ATP11A: variants seen among roughly 807,000 people sequenced by gnomAD.
ATP11A encodes ATPase phospholipid transporting 11A, also known as phospholipid-transporting ATPase IH.
A neutral mutation model predicts 154.4 loss-of-function variants in ATP11A; 81 were observed. The ratio of observed to expected loss-of-function variants is 0.52; its 90% confidence interval spans 0.44 to 0.63. The LOEUF is 0.63. Ranked by LOEUF, ATP11A falls within the 30% of genes least tolerant of loss-of-function variation. ATP11A has a pLI of 0.00. For missense variants in ATP11A, 1,316 were observed against 1,474.3 expected, an observed-to-expected ratio of 0.89 and a Z score of 1.76; for synonymous variants, 623 against 585.9, an observed-to-expected ratio of 1.06 and a Z score of -0.91.
intron 25 of ATP11A, among the ~76,000 whole-genome samples, chr13:112,869,576 G>A (rs1409427623): frequency 6.6e-6 from 1 of 152,232 alleles, no homozygotes; most frequent in Admixed American, 6.5e-5. Context: ...AACTCTTTCA[G>A]AGTTCTGTGT....
chr13:112,860,407 C>A lies in ATP11A; in HGVS notation c.2848C>A (p.Leu950Met), dbSNP rs760964455. Residue 950 changes from leucine (L) to methionine (M), a missense_variant, in exon 24 of 30, where the codon CTG becomes ATG. Physicochemically the swap from Leu to Met is conservative, Grantham distance 15. Coordinates refer to ENST00000375645, the MANE Select transcript of ATP11A (RefSeq NM_015205.3). Reference sequence around the variant, plus strand: ...TGACGTGCTCAAGAGAGACCCGACCCTGTACAGGTACCATCCTCCAAACAG... The same window carrying A: ...TGACGTGCTCAAGAGAGACCCGACCATGTACAGGTACCATCCTCCAAACAG... Reference protein sequence around the residue: ...GIDVLKRDPTLYRDVAKNALL... With the variant: ...GIDVLKRDPTMYRDVAKNALL... 2 of 1,614,022 alleles carry A rather than the reference C, an allele frequency of 1.2e-6. No homozygotes were observed. Among genetic ancestry groups the A allele is most frequent in the African/African-American group, 2.7e-5 (2 of 74,918 alleles).
At chr13:112,814,796 C>T (rs143959859) in intron 5 of ATP11A, among the ~76,000 whole-genome samples, 3 of 152,276 alleles carry the variant, frequency 2.0e-5, no homozygotes, top group Admixed American at 6.5e-5. Flanking sequence ...TATTCCTTCC[C>T]CCTCAATCTT....
At chr13:112,855,830 C>A in intron 19 of ATP11A, 81 bp from the exon 20 acceptor site, 1 of 1,310,340 alleles carries the variant, frequency 7.6e-7, no homozygotes, top group Non-Finnish European at 1.0e-6. Context: ...TAGCATCTGT[C>A]GATATCCAAA....
intron 1 of ATP11A, among the ~76,000 whole-genome samples, chr13:112,770,034 C>T (rs945833366): frequency 1.1e-4 from 16 of 152,170 alleles, no homozygotes; most frequent in African/African-American, 3.9e-4. Flanking sequence ...CCAACTGCAC[C>T]CCCCAATCCT....
rs193143330 is a variant in ATP11A, at chr13:112,694,880, G to A, written c.39+4425G>A. 3.3e-5 allele frequency among the ~76,000 whole-genome samples: 5 copies of A among 152,036 alleles called. No homozygotes were observed. In the South Asian group the frequency reaches 8.3e-4, roughly 25 times the overall value. On this transcript the variant is annotated intron_variant, in intron 1 of 29. Transcript: ENST00000375645. Reference sequence around the variant, plus strand: ...AGAAAAATAAACATTTTTGCTTCCCGAGAACTTGAAGCAGTGCTATATTAG... The same window carrying A: ...AGAAAAATAAACATTTTTGCTTCCCAAGAACTTGAAGCAGTGCTATATTAG...
At chr13:112,803,414 T>A (rs1036790631) in intron 2 of ATP11A, among the ~76,000 whole-genome samples, 1 of 152,196 alleles carries the variant, frequency 6.6e-6, no homozygotes, top group African/African-American at 2.4e-5. Flanking sequence ...CACCTTCGAA[T>A]GGGATTTTGA....
rs966906510 is a variant in ATP11A, at chr13:112,875,203, C to T, written c.3162-573C>T. Among the ~76,000 whole-genome samples the T allele has an allele frequency of 1.1e-4, 16 of 152,230 alleles. No individual in the cohort carries two copies. Among genetic ancestry groups the T allele is most frequent in the Non-Finnish European group, 1.9e-4 (13 of 68,048 alleles). ...GAGCTGGGGCCCTATCTCTGTGTCT[C>T]TGCCACCATCCGTAGTGCCTGGGAT... On this transcript the variant is annotated intron_variant, in intron 27 of 29. Coordinates refer to ENST00000375645, the MANE Select transcript of ATP11A (RefSeq NM_015205.3). This position sits in a 1 kb window ranked among gnomAD's most constrained non-coding sequence, Gnocchi z 4.1.
chr13:112,740,158 A>ATATATCTCTC (rs1278618925), intron 1 of ATP11A, among the ~76,000 whole-genome samples: 1 of 149,292 alleles, frequency 6.7e-6, no homozygotes, highest in African/African-American at 2.5e-5. Flanking sequence ...CTATATATAT[A>ATATATCTCTC]TATATATATA....
At chr13:112,801,766 G>A (rs1001576210) in intron 2 of ATP11A, among the ~76,000 whole-genome samples, 1 of 152,174 alleles carries the variant, frequency 6.6e-6, no homozygotes, top group South Asian at 2.1e-4. Flanking sequence ...CGACAAAACT[G>A]TAACGAAATC....
chr13:112,880,758 A>G, intron 29 of ATP11A: 1 of 1,167,412 alleles, frequency 8.6e-7, no homozygotes, highest in Non-Finnish European at 1.1e-6. Flanking sequence ...GTTCACGGTG[A>G]GAAAGAGCAG....
intron 1 of ATP11A, among the ~76,000 whole-genome samples, chr13:112,701,947 G>A (rs370520469): frequency 5.9e-5 from 9 of 152,140 alleles, no homozygotes; most frequent in Admixed American, 2.0e-4. Context: ...TGGGGCCTGC[G>A]GTTATCCAGC....
intron 29 of ATP11A, 162 bp from the exon 30 acceptor site, chr13:112,881,714 C>T: frequency 7.7e-7 from 1 of 1,297,046 alleles, no homozygotes; most frequent in African/African-American, 1.5e-5. Flanking sequence ...GCAGTTCCTG[C>T]AGGAGGCGAT....
rs1472346136 is a variant in ATP11A at position 112,754,846 on chromosome 13, G to A, written c.40-30289G>A. Among the ~76,000 whole-genome samples, 2 of 152,234 alleles carry A rather than the reference G, an allele frequency of 1.3e-5. No homozygotes were observed. The highest frequency in any genetic ancestry group is 2.9e-5 in the Non-Finnish European group (2 of 68,042). ...GATCCACAATCGACCACCTGTCCAT[G>A]GAGCTCCGGGAATGCTGGCCCGGCC... On this transcript the variant is annotated intron_variant, in intron 1 of 29. Coordinates refer to ENST00000375645, the MANE Select transcript of ATP11A (RefSeq NM_015205.3). The surrounding 1 kb of genome is among the most constrained non-coding windows in gnomAD (Gnocchi z 5.3).
chr13:112,885,292 A>T lies in ATP11A; in HGVS notation c.*3426A>T, dbSNP rs1193105455. 2 of 151,954 alleles carry T rather than the reference A, an allele frequency of 1.3e-5. No individual in the cohort carries two copies. Among genetic ancestry groups the T allele is most frequent in the African/African-American group, 4.8e-5 (2 of 41,268 alleles). The allele number at this position is 151,954 out of a possible 1,614,324, so 9.4% of individuals were successfully genotyped here. A position where few individuals can be genotyped will look rare whatever the true frequency, so the allele number is the denominator to read the frequency against. ...TACAAGCTCCTACAGGCTTGCTCTC[A>T]CACACGTGTATGCACAGCAGAGAGA... On this transcript the variant is annotated 3_prime_UTR_variant, in exon 30 of 30. Coordinates refer to ENST00000375645, the MANE Select transcript of ATP11A (RefSeq NM_015205.3).
intron 1 of ATP11A, among the ~76,000 whole-genome samples, chr13:112,731,843 G>A (rs1380537251): frequency 6.6e-6 from 1 of 151,650 alleles, no homozygotes; most frequent in Non-Finnish European, 1.5e-5. Context: ...AGAAGTGCAC[G>A]TGAGGAAGGG....
At chr13:112,844,406 C>G (rs558200166) in intron 17 of ATP11A, among the ~76,000 whole-genome samples, 12 of 152,202 alleles carry the variant, frequency 7.9e-5, no homozygotes, top group Admixed American at 2.6e-4. Flanking sequence ...CATTGACACA[C>G]GAACACACAG....
At chr13:112,748,167 A>G (rs1892392146) in intron 1 of ATP11A, among the ~76,000 whole-genome samples, 1 of 152,246 alleles carries the variant, frequency 6.6e-6, no homozygotes, top group Non-Finnish European at 1.5e-5. Flanking sequence ...CATGATGCAT[A>G]TGCAAATGTC....
intron 5 of ATP11A, among the ~76,000 whole-genome samples, chr13:112,815,360 C>A (rs1481393654): frequency 6.6e-6 from 1 of 151,812 alleles, no homozygotes; most frequent in Non-Finnish European, 1.5e-5. Flanking sequence ...GTCCAGGCCA[C>A]CGAGATGCCT....
rs375033076 is a variant in ATP11A at position 112,788,671 on chromosome 13, G to A, written c.162+3414G>A. 1.6e-4 allele frequency among the ~76,000 whole-genome samples: 24 copies of A among 147,730 alleles called. No homozygotes were observed. The South Asian group carries it at 4.4e-3, about 27-fold the overall frequency. ...TGTGGAGACCTATTTAATTCACACC[G>A]GGTGTCCTGATGTGTAGACCCCTGT... On this transcript the variant is annotated intron_variant, in intron 2 of 29. Coordinates refer to ENST00000375645, the MANE Select transcript of ATP11A (RefSeq NM_015205.3).
Sources: allele counts gnomAD v4.1 joint callset (sites outside exome capture counted in the v4.1 genomes callset), GRCh38; gene constraint gnomAD v4.1.1; non-coding constraint Gnocchi (gnomAD v3.1); transcripts MANE v1.5; gene names NCBI Gene and HGNC (gene_info 2026-07-23, HGNC 2026-07-21).